PHF3: variants seen among roughly 807,000 people sequenced by gnomAD.
The protein encoded by PHF3 is PHD finger protein 3.
PHF3 carries 41 observed loss-of-function variants against 178.4 expected under a neutral mutation model. The observed-to-expected ratio is 0.23, with a 90% CI of 0.18 to 0.30. The LOEUF (loss-of-function observed/expected upper bound fraction) is 0.30. Ranked by LOEUF, PHF3 falls within the 10% of genes least tolerant of loss-of-function variation. The pLI, the probability that PHF3 is intolerant of heterozygous loss-of-function variation, is 1.00. For synonymous variants in PHF3, 842 were observed against 800.5 expected, an observed-to-expected ratio of 1.05 and a Z score of -0.88; for missense variants, 2,346 against 2,398.1, an observed-to-expected ratio of 0.98 and a Z score of 0.45.
chr6:63,636,976 A>G (rs1269143675), intron 1 of PHF3, among the ~76,000 whole-genome samples: 1 of 151,806 alleles, frequency 6.6e-6, no homozygotes, highest in Admixed American at 6.6e-5. Flanking sequence ...ACCTTTTTCC[A>G]TCTTTGGGCT....
rs1334897272 is a variant in PHF3, at chr6:63,722,790, A to G, written c.*9082A>G. On this transcript the variant is annotated 3_prime_UTR_variant, in exon 16 of 16. Coordinates refer to ENST00000262043, the MANE Select transcript of PHF3 (RefSeq NM_001370348.2). Reference sequence around the variant, plus strand: ...CCTGCAAATGGTGTTCTTTCCTTCTATTCTCCATTGTGGTCTATACCAAGC... The same window carrying G: ...CCTGCAAATGGTGTTCTTTCCTTCTGTTCTCCATTGTGGTCTATACCAAGC... 4.6e-5 allele frequency among the ~76,000 whole-genome samples: 7 copies of G among 152,176 alleles called. No homozygotes were observed. In the South Asian group the frequency reaches 6.2e-4, roughly 14 times the overall value.
chr6:63,724,001 T>C lies in PHF3; in HGVS notation c.*10293T>C, dbSNP rs1398947155. Among the ~76,000 whole-genome samples the C allele has an allele frequency of 2.0e-5, 3 of 151,730 alleles. No homozygotes were observed. The highest frequency in any genetic ancestry group is 4.4e-5 in the Non-Finnish European group (3 of 67,920). On this transcript the variant is annotated 3_prime_UTR_variant, in exon 16 of 16. Transcript: ENST00000262043. The stretch of plus-strand genomic sequence containing the variant: ...TTTTGTATTTTGGGTAGAGCGAGGT[T>C]TTACCATGTTGGCCAGGCTGGTCTT...
At chr6:63,662,417 G>T (rs192852150) in intron 2 of PHF3, among the ~76,000 whole-genome samples, 56 of 152,244 alleles carry the variant, frequency 3.7e-4, no homozygotes, top group Non-Finnish European at 6.8e-4. Flanking sequence ...ATTTTCTTTA[G>T]TTCTAGTGAT....
In PHF3 at chr6:63,706,079, G is replaced by A. The variant is rs1314977062; in HGVS notation, c.3418G>A (p.Val1140Ile). The change falls in exon 12 of 16, where the codon GTT (valine) becomes ATT (isoleucine). Residue 1140 changes from valine (V) to isoleucine (I), a missense_variant. By Grantham distance (29) the Val-to-Ile change is conservative (BLOSUM62 3). Around this residue, in one of 8 missense-constraint regions of PHF3, gnomAD observed 205 missense variants for 212.4 expected, o/e 0.97. Transcript: ENST00000262043. ...TCTTTCTCCAAAAAAAGTAAAAGTT[G>A]TTGTAGGAGTAGCTCGCAAACATTC... is the stretch of plus-strand genomic sequence containing the variant. ...DDLSPKKVKV[V>I]VGVARKHSDN... The A allele has an allele frequency of 2.5e-6, 4 of 1,613,686 alleles. No homozygotes were observed. Among genetic ancestry groups the A allele is most frequent in the Non-Finnish European group, 2.5e-6 (3 of 1,179,910 alleles).
At chr6:63,701,750 TATC>T (rs1289091910) in intron 9 of PHF3, among the ~76,000 whole-genome samples, 1 of 152,286 alleles carries the variant, frequency 6.6e-6, no homozygotes, top group East Asian at 1.9e-4. Flanking sequence ...TTGAAAATAA[TATC>T]ACCTCCTCTT....
At chr6:63,679,945 TTG>T in intron 2 of PHF3, 53 bp from the exon 3 acceptor site, 1 of 1,404,352 alleles carries the variant, frequency 7.1e-7, no homozygotes, top group Non-Finnish European at 1.0e-6. Context: ...CTGCCTTTAA[TTG>T]CCTAACATTC....
At chr6:63,655,130 C>G (rs1027448511) in intron 2 of PHF3, among the ~76,000 whole-genome samples, 9 of 152,084 alleles carry the variant, frequency 5.9e-5, no homozygotes. Context: ...ATGACACTAT[C>G]TCAGCTCACT....
chr6:63,645,395 G>A (rs570133996), intron 1 of PHF3, among the ~76,000 whole-genome samples: 7 of 152,088 alleles, frequency 4.6e-5, no homozygotes, highest in Non-Finnish European at 8.8e-5. Context: ...TATTATTGGG[G>A]CTTAAATTAT....
chr6:63,703,463 A>G, intron 10 of PHF3, 73 bp from the exon 11 acceptor site: 1 of 1,446,874 alleles, frequency 6.9e-7, no homozygotes, highest in South Asian at 1.3e-5. Flanking sequence ...ATAAATGGAA[A>G]ATATAAATTG....
rs940025456 is a variant in PHF3, at chr6:63,725,644, T to C, written c.*11936T>C. ...ATAGCTCAATTGTACTTTTTCTCTT[T>C]GAAATTATTTTGAGGGTATTTCAGA... On this transcript the variant is annotated 3_prime_UTR_variant, in exon 16 of 16. Coordinates refer to ENST00000262043, the MANE Select transcript of PHF3 (RefSeq NM_001370348.2). Among the ~76,000 whole-genome samples, 3 of 152,126 alleles carry C rather than the reference T, an allele frequency of 2.0e-5. No individual in the cohort carries two copies. The highest frequency in any genetic ancestry group is 4.4e-5 in the Non-Finnish European group (3 of 67,964).
At chr6:63,677,710 CAGAGAAAGT>C (rs1477734090) in intron 2 of PHF3, among the ~76,000 whole-genome samples, 1 of 152,028 alleles carries the variant, frequency 6.6e-6, no homozygotes, top group African/African-American at 2.4e-5. Context: ...TTGGAAAAGT[CAGAGAAAGT>C]ATAATGAAGG....
intron 6 of PHF3, among the ~76,000 whole-genome samples, chr6:63,697,628 T>C (rs1385708758): frequency 6.6e-6 from 1 of 152,164 alleles, no homozygotes; most frequent in African/African-American, 2.4e-5. Context: ...AGAATAAAGA[T>C]ATTAAGTATA....
At chr6:63,656,306 G>A (rs949135130) in intron 2 of PHF3, among the ~76,000 whole-genome samples, 3 of 152,138 alleles carry the variant, frequency 2.0e-5, no homozygotes, top group Non-Finnish European at 4.4e-5. Context: ...AACTTAAAAT[G>A]TGAAATAAAA....
At position 63,724,844 on chromosome 6, in the gene PHF3, CTT is replaced by C. The variant is rs1358422663; in HGVS notation, c.*11138_*11139del. Among the ~76,000 whole-genome samples, 1 of 151,918 alleles carries C rather than the reference CTT, an allele frequency of 6.6e-6. No individual in the cohort carries two copies. Among genetic ancestry groups the C allele is most frequent in the African/African-American group, 2.4e-5 (1 of 41,368 alleles). On this transcript the variant is annotated 3_prime_UTR_variant, in exon 16 of 16. Transcript: ENST00000262043. ...TTTTATTAAAATTTTTGGATTTTAACTTTGTGTATTGTTTGGTTAGTTTTTAC... is the reference window on the plus strand; with the variant it reads ...TTTTATTAAAATTTTTGGATTTTAACTGTGTATTGTTTGGTTAGTTTTTAC...
chr6:63,641,454 G>C (rs4351235), intron 1 of PHF3, among the ~76,000 whole-genome samples: 52,063 of 151,558 alleles, frequency 0.34, 9,055 homozygotes, highest in African/African-American at 0.39. Flanking sequence ...TGTAGACTAC[G>C]TGAGAGACAA....
chr6:63,661,798 TTTA>T (rs1765476282), intron 2 of PHF3, among the ~76,000 whole-genome samples: 1 of 152,174 alleles, frequency 6.6e-6, no homozygotes, highest in African/African-American at 2.4e-5. Flanking sequence ...ATACATAAGT[TTTA>T]TTGATCACCA....
chr6:63,688,581 C>T (rs942127940), intron 4 of PHF3, among the ~76,000 whole-genome samples: 1 of 151,476 alleles, frequency 6.6e-6, no homozygotes, highest in Non-Finnish European at 1.5e-5. Flanking sequence ...GTGATCCGCC[C>T]GCCTCAGCCT....
chr6:63,679,889 A>G (rs752762643), intron 2 of PHF3, 111 bp from the exon 3 acceptor site: 14 of 877,800 alleles, frequency 1.6e-5, no homozygotes, highest in Non-Finnish European at 2.2e-5. Flanking sequence ...CAGATTTTCA[A>G]GAGTATGTAG....
At chr6:63,660,475 GTC>G (rs1440535484) in intron 2 of PHF3, among the ~76,000 whole-genome samples, 2 of 152,116 alleles carry the variant, frequency 1.3e-5, no homozygotes, top group Admixed American at 1.3e-4. Context: ...TTTATTGAAT[GTC>G]TGTTATATGC....
Sources: gnomAD v4.1 joint callset for allele counts (sites outside exome capture counted in the v4.1 genomes callset) on GRCh38, gnomAD v4.1.1 for gene constraint, gnomAD v4.1.1 regional missense constraint, MANE v1.5 for transcripts, NCBI Gene and HGNC (gene_info 2026-07-23, HGNC 2026-07-21) for gene names.